Variants in FAM120B observed in about 807,000 individuals in gnomAD.
The protein encoded by FAM120B is constitutive coactivator of peroxisome proliferator-activated receptor gamma.
A neutral mutation model predicts 96.3 loss-of-function variants in FAM120B; 83 were observed. The observed-to-expected ratio is 0.86, with a 90% CI of 0.72 to 1.03. The LOEUF is 1.03. Ranked by LOEUF, FAM120B falls within the 50% of genes least tolerant of loss-of-function variation. FAM120B has a pLI of 0.00. For missense variants in FAM120B, 1,027 were observed against 1,121.2 expected (o/e 0.92, Z 1.20); for synonymous variants, 407 against 402.7 (o/e 1.01, Z -0.13).
intron 6 of FAM120B, among the ~76,000 whole-genome samples, chr6:170,379,583 A>G (rs1411573135): frequency 6.6e-6 from 1 of 152,214 alleles, no homozygotes; most frequent in Non-Finnish European, 1.5e-5. Flanking sequence ...ATTTGGGAGT[A>G]TTTCAGATTC....
intron 4 of FAM120B, among the ~76,000 whole-genome samples, chr6:170,340,949 C>T (rs1786780482): frequency 1.3e-5 from 2 of 152,222 alleles, no homozygotes; most frequent in African/African-American, 4.8e-5. Flanking sequence ...CTCTCCCAGT[C>T]AGGAGGCACG....
At chr6:170,389,882 G>A (rs941378480) in intron 7 of FAM120B, among the ~76,000 whole-genome samples, 3 of 151,942 alleles carry the variant, frequency 2.0e-5, no homozygotes. Context: ...TTTTTAATGA[G>A]GAACTAATAC....
intron 1 of FAM120B, among the ~76,000 whole-genome samples, chr6:170,309,591 G>A (rs1583175668): frequency 6.6e-6 from 1 of 151,968 alleles, no homozygotes; most frequent in African/African-American, 2.4e-5. Context: ...GTGCACATCC[G>A]TATATATCTA....
intron 4 of FAM120B, among the ~76,000 whole-genome samples, chr6:170,339,978 C>A (rs1257523237): frequency 2.0e-5 from 3 of 152,062 alleles, no homozygotes; most frequent in Admixed American, 2.0e-4. Context: ...TAGGGTTGCT[C>A]TTCTCAAGGA....
chr6:170,298,329 C>G (rs1395116159), intron 1 of FAM120B: 1 of 152,192 alleles, frequency 6.6e-6, no homozygotes, highest in African/African-American at 2.4e-5. Flanking sequence ...AGTATTTTCT[C>G]ACTTTCAAAT....
In FAM120B at chr6:170,361,193, T is replaced by TAC. The variant is rs1788346404; in HGVS notation, c.2283+2876_2283+2877dup. Among the ~76,000 whole-genome samples, 6 of 83,990 alleles carry TAC rather than the reference T, an allele frequency of 7.1e-5. No individual in the cohort carries two copies. In the South Asian group the frequency reaches 2.1e-3, roughly 29 times the overall value. The allele number at this position is 83,990 out of a possible 152,430, so 55.1% of individuals were successfully genotyped here. A position where few individuals can be genotyped will look rare whatever the true frequency, so the allele number is the denominator to read the frequency against. On this transcript the variant is annotated intron_variant, in intron 6 of 10. Coordinates refer to ENST00000476287, the MANE Select transcript of FAM120B (RefSeq NM_032448.3). ...ATATAGCCTTAAAACTATATATATA[T>TAC]ACGTGTATATATATATATATATATA...
In FAM120B at chr6:170,317,844, A is replaced by G; in HGVS notation, c.454A>G (p.Thr152Ala). ...TGCTCTAAAGACACTGGGCCAGGAA[A>G]CTTTGTGTTCTTTGCAGGAAGCAGA... ...RFALKTLGQE[T>A]LCSLQEADYE... The change falls in exon 2 of 11, where the codon ACT becomes GCT. Residue 152 changes from threonine (T) to alanine (A), a missense_variant. Physicochemically the swap from Thr to Ala is moderately conservative, Grantham distance 58. Around this residue, in one of 3 missense-constraint regions of FAM120B, gnomAD observed 880 missense variants for 980.9 expected, o/e 0.90. Coordinates refer to ENST00000476287, the MANE Select transcript of FAM120B (RefSeq NM_032448.3). 3 of 1,614,216 alleles carry G rather than the reference A, an allele frequency of 1.9e-6. No homozygotes were observed. The highest frequency in any genetic ancestry group is 2.5e-6 in the Non-Finnish European group (3 of 1,180,028).
chr6:170,395,886 T>G (rs986214379), intron 9 of FAM120B, among the ~76,000 whole-genome samples: 1 of 152,218 alleles, frequency 6.6e-6, no homozygotes, highest in Non-Finnish European at 1.5e-5. Context: ...ATGTGGAAGA[T>G]CCATTGTTCT....
intron 6 of FAM120B, among the ~76,000 whole-genome samples, chr6:170,365,920 A>G (rs1398024243): frequency 6.6e-6 from 1 of 152,168 alleles, no homozygotes; most frequent in African/African-American, 2.4e-5. Flanking sequence ...GGTCTGTGAC[A>G]GGCTCAGCAG....
intron 1 of FAM120B, among the ~76,000 whole-genome samples, chr6:170,299,394 A>G (rs1240824640): frequency 6.6e-6 from 1 of 152,156 alleles, no homozygotes; most frequent in Non-Finnish European, 1.5e-5. Context: ...TGGGATGCGC[A>G]ATGTGTGTCT....
intron 3 of FAM120B, among the ~76,000 whole-genome samples, chr6:170,329,072 T>C (rs1338119277): frequency 6.6e-6 from 1 of 152,206 alleles, no homozygotes; most frequent in Non-Finnish European, 1.5e-5. Context: ...GCAAGCTCCA[T>C]TGGTTGGCCA....
intron 3 of FAM120B, among the ~76,000 whole-genome samples, chr6:170,328,425 T>TG (rs986509971): frequency 9.9e-5 from 15 of 152,220 alleles, no homozygotes; most frequent in East Asian, 3.9e-4. Flanking sequence ...CATCTTTCTT[T>TG]GGGGGGGTAT....
intron 8 of FAM120B, 141 bp downstream of exon 8, chr6:170,391,262 C>A (rs897023361): frequency 1.4e-5 from 9 of 654,144 alleles, no homozygotes; most frequent in Non-Finnish European, 1.9e-5. Context: ...GGGCCGGGTG[C>A]GGTGGCTCAC....
chr6:170,359,393 CAA>C (rs138695435), intron 6 of FAM120B, among the ~76,000 whole-genome samples: 48 of 135,598 alleles, frequency 3.5e-4, no homozygotes, highest in Admixed American at 5.0e-4. Context: ...AACTCTGTCT[CAA>C]AAAAAAAAAA....
intron 6 of FAM120B, among the ~76,000 whole-genome samples, chr6:170,373,719 TA>T (rs1789344210): frequency 6.6e-6 from 1 of 152,142 alleles, no homozygotes; most frequent in South Asian, 2.1e-4. Context: ...ATTAGAAAAG[TA>T]AAAGCACAAG....
At chr6:170,291,891 C>T (rs2114970553), upstream of FAM120B, among the ~76,000 whole-genome samples, 1 of 152,336 alleles carries the variant, frequency 6.6e-6, no homozygotes, top group African/African-American at 2.4e-5. Context: ...CGCCACCTTC[C>T]CCGGGTCTCG....
intron 8 of FAM120B, 36 bp from the exon 9 acceptor site, chr6:170,395,451 A>T (rs1376186398): frequency 6.6e-7 from 1 of 1,512,702 alleles, no homozygotes; most frequent in Non-Finnish European, 9.0e-7. Flanking sequence ...AAGACATTTG[A>T]CAACTTACTA....
chr6:170,317,885 C>T lies in FAM120B; in HGVS notation c.495C>T (p.Ser165=). The change falls in exon 2 of 11, where the codon TCC becomes TCT. Residue 165 remains serine (S), a synonymous_variant. Transcript: ENST00000476287. ...AGGAAGCAGATTATGAGGTAGCTTC[C>T]TATGGCCTCCAGCATAACTGTCTTG... ...SLQEADYEVA[S]YGLQHNCLGI... is the part of the protein sequence containing the mutation. The T allele has an allele frequency of 1.2e-6, 2 of 1,614,202 alleles. No individual in the cohort carries two copies. Among genetic ancestry groups the T allele is most frequent in the Non-Finnish European group, 1.7e-6 (2 of 1,180,030 alleles).
At position 170,359,604 on chromosome 6, in the gene FAM120B, G is replaced by A. The variant is rs78464700; in HGVS notation, c.2283+1286G>A. Among the ~76,000 whole-genome samples, 1,578 of 152,006 alleles carry A rather than the reference G, an allele frequency of 0.01. 67 individuals carry two copies. The East Asian group carries it at 0.1, about 10-fold the overall frequency. ...TTTATATGTGTGTGTGTACATGTGC[G>A]TGTACATGTGTGTGTGTGGAGACGA... On this transcript the variant is annotated intron_variant, in intron 6 of 10. Coordinates refer to ENST00000476287, the MANE Select transcript of FAM120B (RefSeq NM_032448.3).
Sources: gnomAD v4.1 joint callset for allele counts (sites outside exome capture counted in the v4.1 genomes callset) on GRCh38, gnomAD v4.1.1 for gene constraint, gnomAD v4.1.1 regional missense constraint, MANE v1.5 for transcripts, NCBI Gene and HGNC (gene_info 2026-07-23, HGNC 2026-07-21) for gene names.